PRELP: variants seen among roughly 807,000 people sequenced by gnomAD.
PRELP encodes the protein proline and arginine rich end leucine rich repeat protein, also known as prolargin.
In PRELP, 16 loss-of-function variants were observed where a neutral mutation model predicts 22.8. The observed-to-expected ratio is 0.70, with a 90% CI of 0.47 to 1.06. PRELP has a LOEUF of 1.06. PRELP is among the 50% of genes least tolerant of loss of function. The probability of loss-of-function intolerance (pLI) is 0.00; values close to 1 mark genes in which losing one functional copy is unlikely to be tolerated. For synonymous variants in PRELP, 233 were observed against 211.4 expected (o/e 1.10, Z -0.89); for missense variants, 434 against 485.2 (o/e 0.89, Z 0.99).
Position 203,483,473 on chromosome 1 carries a change from G to T in PRELP, c.289G>T (p.Val97Phe). ...CTGTGATAGCCGCAACCTGCGAAAG[G>T]TCCCTGTCATCCCGCCCCGCATCCA... ...LYCDSRNLRKVPVIPPRIHYL... is the reference protein window; with the variant it reads ...LYCDSRNLRKFPVIPPRIHYL... The change falls in exon 2 of 3, where the codon GTC becomes TTC. Residue 97 changes from valine to phenylalanine, a missense_variant. Val to Phe is a conservative substitution (Grantham distance 50, BLOSUM62 -1). Transcript: ENST00000343110. The surrounding 1 kb of genome is among the most constrained non-coding windows in gnomAD (Gnocchi z 4.4). 2.5e-6 allele frequency: 4 copies of T among 1,614,126 alleles called. No individual in the cohort carries two copies. The highest frequency in any genetic ancestry group is 3.4e-6 in the Non-Finnish European group (4 of 1,180,010).
At chr1:203,484,286 A>C in intron 2 of PRELP, 129 bp downstream of exon 2, 2 of 1,378,020 alleles carry the variant, frequency 1.5e-6, no homozygotes, top group Non-Finnish European at 1.9e-6. Flanking sequence ...ACTTCAATTC[A>C]TGGCCTTGCC....
At chr1:203,479,439 A>C (rs1208064824) in intron 1 of PRELP, among the ~76,000 whole-genome samples, 1 of 152,162 alleles carries the variant, frequency 6.6e-6, no homozygotes, top group Non-Finnish European at 1.5e-5. Flanking sequence ...GCTGTGGCTC[A>C]TGCCTGTAAT....
In PRELP at chr1:203,486,834, C is replaced by A; in HGVS notation, c.1102C>A (p.Leu368Met). The A allele has an allele frequency of 6.2e-7, 1 of 1,614,234 alleles. No homozygotes were observed. Among genetic ancestry groups the A allele is most frequent in the Non-Finnish European group, 8.5e-7 (1 of 1,180,036 alleles). The change falls in exon 3 of 3, where the codon CTG (leucine) becomes ATG (methionine). Residue 368 changes from leucine (L) to methionine (M), a missense_variant. Transcript: ENST00000343110. Reference protein sequence around the residue: ...DGNYLKPPIPLDLMMCFRLLQ... With the variant: ...DGNYLKPPIPMDLMMCFRLLQ... ...AAACTACTTGAAGCCGCCCATCCCG[C>A]TGGACCTCATGATGTGCTTCCGCCT...
chr1:203,484,205 G>A lies in PRELP; in HGVS notation c.973+48G>A, dbSNP rs368706827. 6.3e-6 allele frequency: 10 copies of A among 1,582,258 alleles called. No homozygotes were observed. The African/African-American group carries it at 1.2e-4, about 19-fold the overall frequency. ...GGGCCGAAGGCAAGGAGGTTGGCTT[G>A]TGTAGCACTTCCACCCTCTCTAGGG... On this transcript the variant is annotated intron_variant, in intron 2 of 2. Transcript: ENST00000343110.
intron 1 of PRELP, among the ~76,000 whole-genome samples, chr1:203,476,569 CAGAAGAAA>C (rs1443560660): frequency 6.6e-6 from 1 of 152,158 alleles, no homozygotes; most frequent in Non-Finnish European, 1.5e-5. Flanking sequence ...ATGGCAGAGC[CAGAAGAAA>C]ATCTTGCATC....
intron 1 of PRELP, among the ~76,000 whole-genome samples, chr1:203,478,923 C>G (rs1029568594): frequency 6.6e-6 from 1 of 152,144 alleles, no homozygotes. Flanking sequence ...GCTTGATTCT[C>G]CCTGCTTCCA....
rs1412363480 is a variant in PRELP at position 203,488,048 on chromosome 1, T to C, written c.*1167T>C. ...GTGGGGTCCCAACACGGAAGAGCCA[T>C]GGGCCGTGTGCATGGTGTCGCTCTC... On this transcript the variant is annotated 3_prime_UTR_variant, in exon 3 of 3. Coordinates refer to ENST00000343110, the MANE Select transcript of PRELP (RefSeq NM_002725.4). The C allele has an allele frequency of 1.3e-5, 2 of 152,226 alleles. No individual in the cohort carries two copies. The highest frequency in any genetic ancestry group is 4.8e-5 in the African/African-American group (2 of 41,438). The allele number at this position is 152,226 out of a possible 1,614,324, so 9.4% of individuals were successfully genotyped here. A position where few individuals can be genotyped will look rare whatever the true frequency, so the allele number is the denominator to read the frequency against.
intron 1 of PRELP, among the ~76,000 whole-genome samples, chr1:203,480,847 T>C (rs1211147828): frequency 6.6e-6 from 1 of 152,224 alleles, no homozygotes. Context: ...AAAAGATAAG[T>C]TCCCAAAGGG....
At chr1:203,486,658 G>A in intron 2 of PRELP, 48 bp from the exon 3 acceptor site, 1 of 1,537,430 alleles carries the variant, frequency 6.5e-7, no homozygotes. Flanking sequence ...CCTCATCTTG[G>A]CCGCCAGCCT....
chr1:203,482,381 C>T (rs1443634743), intron 1 of PRELP, among the ~76,000 whole-genome samples: 4 of 151,086 alleles, frequency 2.6e-5, no homozygotes, highest in Non-Finnish European at 4.4e-5. Context: ...TGGGTTCAAG[C>T]GATTCTCCTG....
At chr1:203,481,913 C>G (rs370595892) in intron 1 of PRELP, among the ~76,000 whole-genome samples, 8 of 152,150 alleles carry the variant, frequency 5.3e-5, no homozygotes, top group Non-Finnish European at 2.9e-5. Flanking sequence ...AACGTGTCCC[C>G]TGCCCCTCAA....
chr1:203,486,571 T>C, intron 2 of PRELP, 135 bp from the exon 3 acceptor site: 1 of 776,956 alleles, frequency 1.3e-6, no homozygotes. Flanking sequence ...TCATCTATGA[T>C]CACACATTCC....
rs372926787 is a variant in PRELP, at chr1:203,486,858, C to G, written c.1126C>G (p.Leu376Val). 13 of 1,613,932 alleles carry G rather than the reference C, an allele frequency of 8.1e-6. No homozygotes were observed. The highest frequency in any genetic ancestry group is 1.0e-5 in the Non-Finnish European group (12 of 1,179,950). ...IPLDLMMCFR[L>V]LQSVVI ...GCTGGACCTCATGATGTGCTTCCGCCTCCTGCAGTCCGTGGTCATCTAGGC... is the reference window on the plus strand; with the variant it reads ...GCTGGACCTCATGATGTGCTTCCGCGTCCTGCAGTCCGTGGTCATCTAGGC... The change falls in exon 3 of 3, where the codon CTC becomes GTC. Residue 376 changes from leucine to valine, a missense_variant. By Grantham distance (32) the Leu-to-Val change is conservative (BLOSUM62 1). Coordinates refer to ENST00000343110, the MANE Select transcript of PRELP (RefSeq NM_002725.4).
At chr1:203,482,626 C>T (rs1661022815) in intron 1 of PRELP, among the ~76,000 whole-genome samples, 1 of 81,612 alleles carries the variant, frequency 1.2e-5, no homozygotes, top group Admixed American at 1.9e-4. Flanking sequence ...GAGATGGAGT[C>T]TCACTCTGTC....
chr1:203,477,834 G>C (rs892093518), intron 1 of PRELP, among the ~76,000 whole-genome samples: 25 of 152,152 alleles, frequency 1.6e-4, no homozygotes, highest in African/African-American at 5.8e-4. Flanking sequence ...AGAAAGCATC[G>C]GTGAGAAGTT....
At chr1:203,477,062 C>T (rs1177470547) in intron 1 of PRELP, among the ~76,000 whole-genome samples, 2 of 151,958 alleles carry the variant, frequency 1.3e-5, no homozygotes, top group African/African-American at 2.4e-5. Flanking sequence ...CCAAGGCAGG[C>T]GGGGTGTAGG....
chr1:203,489,754 C>A lies in PRELP; in HGVS notation c.*2873C>A, dbSNP rs2102214059. On this transcript the variant is annotated 3_prime_UTR_variant, in exon 3 of 3. Coordinates refer to ENST00000343110, the MANE Select transcript of PRELP (RefSeq NM_002725.4). ...GGCAGATCACCTGAGGTCAGGAGTT[C>A]AAGACCAGCCTGGCCAACATAGTGA... 1 of 152,304 alleles carries A rather than the reference C, an allele frequency of 6.6e-6. No individual in the cohort carries two copies. The highest frequency in any genetic ancestry group is 2.4e-5 in the African/African-American group (1 of 41,562). 9.4% of individuals were successfully genotyped at this position (152,304 alleles called of 1,614,324 possible).
chr1:203,477,092 A>T (rs1369558244), intron 1 of PRELP, among the ~76,000 whole-genome samples: 1 of 151,990 alleles, frequency 6.6e-6, no homozygotes, highest in Non-Finnish European at 1.5e-5. Context: ...GGTCCCACAC[A>T]CAGCTGATCT....
chr1:203,479,615 A>G (rs1027627988), intron 1 of PRELP, among the ~76,000 whole-genome samples: 3 of 148,502 alleles, frequency 2.0e-5, no homozygotes, highest in Non-Finnish European at 3.0e-5. Context: ...AGATGGAAGG[A>G]TCACCTGAGC....
Sources: allele counts gnomAD v4.1 joint callset (sites outside exome capture counted in the v4.1 genomes callset), GRCh38; gene constraint gnomAD v4.1.1; non-coding constraint Gnocchi (gnomAD v3.1); transcripts MANE v1.5; gene names NCBI Gene and HGNC (gene_info 2026-07-23, HGNC 2026-07-21).